Variants in FAM167B observed in about 807,000 individuals in gnomAD.
The protein encoded by FAM167B is family with sequence similarity 167 member B.
FAM167B carries 7 observed loss-of-function variants against 15.4 expected under a neutral mutation model. That is an observed-to-expected ratio of 0.46 (90% CI 0.26 to 0.86). FAM167B has a LOEUF of 0.86. Ranked by LOEUF, FAM167B falls within the 40% of genes least tolerant of loss-of-function variation. FAM167B has a pLI of 0.17. For missense variants in FAM167B, 207 were observed against 208.3 expected, an observed-to-expected ratio of 0.99 and a Z score of 0.04; for synonymous variants, 100 against 94.6, an observed-to-expected ratio of 1.06 and a Z score of -0.33.
intron 1 of FAM167B, 101 bp from the exon 2 acceptor site, chr1:32,248,270 G>A: frequency 1.1e-6 from 1 of 947,578 alleles, no homozygotes; most frequent in Non-Finnish European, 1.5e-6. Context: ...AGGGGGCTGG[G>A]GAGGACACAG....
rs754913612 is a variant in FAM167B, at chr1:32,248,579, C to T, written c.470C>T (p.Ala157Val). ...GGCCTCACGCGCATGAACATCAGCG[C>T]CCGGCGCTTCACCCTCTGCTGAGGA... ...HLGLTRMNIS[A>V]RRFTLC The change falls in exon 2 of 2, where the codon GCC (alanine) becomes GTC (valine). Residue 157 changes from alanine to valine, a missense_variant. Transcript: ENST00000373582. 5.8e-6 allele frequency: 9 copies of T among 1,543,112 alleles called. No homozygotes were observed. The Admixed American group carries it at 1.8e-4, about 30-fold the overall frequency.
rs551437124 is a variant in FAM167B, at chr1:32,247,689, C to T, written c.261+7C>T. The T allele has an allele frequency of 4.1e-6, 6 of 1,459,038 alleles. No homozygotes were observed. In the African/African-American group the frequency reaches 7.2e-5, roughly 18 times the overall value. The allele number at this position is 1,459,038 out of a possible 1,614,324, so 90.4% of individuals were successfully genotyped here. On this transcript the variant is annotated splice_region_variant and intron_variant, in intron 1 of 1. Transcript: ENST00000373582. Reference sequence around the variant, plus strand: ...GTGGCTCCGACGGGAGCTGGTGAGTCTGGTGGGGTGGGCAGCTTTGCCCAG... The same window carrying T: ...GTGGCTCCGACGGGAGCTGGTGAGTTTGGTGGGGTGGGCAGCTTTGCCCAG...
intron 1 of FAM167B, 108 bp from the exon 2 acceptor site, chr1:32,248,263 G>A (rs1639434549): frequency 2.3e-6 from 2 of 882,250 alleles, no homozygotes; most frequent in Non-Finnish European, 3.4e-6. Context: ...AGGTGAGAGG[G>A]GGCTGGGGAG....
At position 32,248,746 on chromosome 1, in the gene FAM167B, C is replaced by A; in HGVS notation, c.*145C>A. ...CATTCAGGTTTCTGAGAGCTGAATT[C>A]CAAGAGTGCAAAACCCCAGCATCCT... On this transcript the variant is annotated 3_prime_UTR_variant, in exon 2 of 2. Coordinates refer to ENST00000373582, the MANE Select transcript of FAM167B (RefSeq NM_032648.3). The A allele has an allele frequency of 1.3e-6, 1 of 748,158 alleles. No homozygotes were observed. The highest frequency in any genetic ancestry group is 2.1e-6 in the Non-Finnish European group (1 of 472,980). The allele number at this position is 748,158 out of a possible 1,614,324, so 46.3% of individuals were successfully genotyped here. A position where few individuals can be genotyped will look rare whatever the true frequency, so the allele number is the denominator to read the frequency against.
In FAM167B at chr1:32,248,767, A is replaced by G. The variant is rs1639442420; in HGVS notation, c.*166A>G. On this transcript the variant is annotated 3_prime_UTR_variant, in exon 2 of 2. Coordinates refer to ENST00000373582, the MANE Select transcript of FAM167B (RefSeq NM_032648.3). ...AATTCCAAGAGTGCAAAACCCCAGC[A>G]TCCTGTTTCCTCTGCTGACCCAGCT... The G allele has an allele frequency of 1.5e-6, 1 of 667,848 alleles. No individual in the cohort carries two copies. The highest frequency in any genetic ancestry group is 2.5e-6 in the Non-Finnish European group (1 of 401,152). The allele number at this position is 667,848 out of a possible 1,614,324, so 41.4% of individuals were successfully genotyped here.
chr1:32,248,232 A>T, intron 1 of FAM167B, 139 bp from the exon 2 acceptor site: 1 of 684,978 alleles, frequency 1.5e-6, no homozygotes, highest in Non-Finnish European at 2.4e-6. Flanking sequence ...CCAGATTGGG[A>T]GATAGGGAGA....
Position 32,247,379 on chromosome 1 carries a change from C to T in FAM167B, c.-43C>T, listed in dbSNP as rs773126596. 4 of 1,469,280 alleles carry T rather than the reference C, an allele frequency of 2.7e-6. No individual in the cohort carries two copies. In the East Asian group the frequency reaches 1.0e-4, roughly 37 times the overall value. The allele number at this position is 1,469,280 out of a possible 1,614,324, so 91.0% of individuals were successfully genotyped here. On this transcript the variant is annotated 5_prime_UTR_variant, in exon 1 of 2. Transcript: ENST00000373582. ...GCAATACTGCCAGCCTTTCCCTAAT[C>T]TCAGAGCTGCAGCCCTGCCCTGTCA...
chr1:32,247,782 G>A (rs1014092066), intron 1 of FAM167B, 100 bp downstream of exon 1: 1 of 1,218,242 alleles, frequency 8.2e-7, no homozygotes, highest in Admixed American at 3.0e-5. Flanking sequence ...AATGGACCCT[G>A]CCTCCAGCAA....
rs201776035 is a variant in FAM167B at position 32,248,537 on chromosome 1, C to G, written c.428C>G (p.Pro143Arg). ...LEPGAGLALA[P>R]LLRHLGLTRM... Reference sequence around the variant, plus strand: ...CCCGGGGCCGGCCTAGCCCTGGCCCCGCTGCTGCGGCACCTGGGCCTCACG... The same window carrying G: ...CCCGGGGCCGGCCTAGCCCTGGCCCGGCTGCTGCGGCACCTGGGCCTCACG... Residue 143 changes from proline to arginine, a missense_variant, in exon 2 of 2, where the codon CCG becomes CGG. Physicochemically the swap from Pro to Arg is moderately radical, Grantham distance 103 (BLOSUM62 -2). Coordinates refer to ENST00000373582, the MANE Select transcript of FAM167B (RefSeq NM_032648.3). 4 of 1,561,072 alleles carry G rather than the reference C, an allele frequency of 2.6e-6. No homozygotes were observed. The African/African-American group carries it at 4.0e-5, about 16-fold the overall frequency.
chr1:32,247,251 C>A lies in FAM167B; in HGVS notation c.-171C>A. On this transcript the variant is annotated 5_prime_UTR_variant, in exon 1 of 2. Transcript: ENST00000373582. ...TTGGCCTCACACACCCATCTGCTCA[C>A]TCACCCTGGCACATTCAGCCCCCCT... The A allele has an allele frequency of 1.3e-6, 1 of 780,094 alleles. No homozygotes were observed. The highest frequency in any genetic ancestry group is 1.9e-6 in the Non-Finnish European group (1 of 537,270). The allele number at this position is 780,094 out of a possible 1,614,324, so 48.3% of individuals were successfully genotyped here.
Position 32,247,467 on chromosome 1 carries a change from G to C in FAM167B, c.46G>C (p.Glu16Gln), listed in dbSNP as rs368102614. The C allele has an allele frequency of 1.3e-6, 2 of 1,594,810 alleles. No homozygotes were observed. The highest frequency in any genetic ancestry group is 8.5e-7 in the Non-Finnish European group (1 of 1,170,750). Residue 16 changes from glutamate to glutamine, a missense_variant, in exon 1 of 2, where the codon GAG becomes CAG. Physicochemically the swap from Glu to Gln is conservative, Grantham distance 29 (BLOSUM62 2). Transcript: ENST00000373582. ...ATTCCAGGCAGTGGGTGAAGAGGACGAGGAGGATGAGGAGGGGGAGAGCCT... is the reference window on the plus strand; with the variant it reads ...ATTCCAGGCAGTGGGTGAAGAGGACCAGGAGGATGAGGAGGGGGAGAGCCT... ...LKFQAVGEEDEEDEEGESLDS... is the reference protein window; with the variant it reads ...LKFQAVGEEDQEDEEGESLDS...
Position 32,247,451 on chromosome 1 carries a change from A to G in FAM167B, c.30A>G (p.Ala10=), listed in dbSNP as rs1253222779. The change falls in exon 1 of 2, where the codon GCA becomes GCG. Residue 10 remains alanine, a synonymous_variant. Transcript: ENST00000373582. ...CCCTGGGGCTACTGAAATTCCAGGC[A>G]GTGGGTGAAGAGGACGAGGAGGATG... The part of the protein sequence containing the change: MSLGLLKFQ[A]VGEEDEEDEE... 1 of 1,568,160 alleles carries G rather than the reference A, an allele frequency of 6.4e-7. No individual in the cohort carries two copies. The highest frequency in any genetic ancestry group is 8.7e-7 in the Non-Finnish European group (1 of 1,155,566).
chr1:32,248,422 C>T lies in FAM167B; in HGVS notation c.313C>T (p.Arg105Trp). 1 of 1,600,688 alleles carries T rather than the reference C, an allele frequency of 6.2e-7. No individual in the cohort carries two copies. The highest frequency in any genetic ancestry group is 1.1e-5 in the South Asian group (1 of 89,460). Residue 105 changes from arginine to tryptophan, a missense_variant, in exon 2 of 2, where the codon CGG (arginine) becomes TGG (tryptophan). Arg to Trp is a moderately radical substitution (Grantham distance 101, BLOSUM62 -3). Coordinates refer to ENST00000373582, the MANE Select transcript of FAM167B (RefSeq NM_032648.3). ...GCTGGCAGGGCAGCTGCTGCGGCTGCGGGCCCAGCTGCACCGACTGAAGAT... is the reference window on the plus strand; with the variant it reads ...GCTGGCAGGGCAGCTGCTGCGGCTGTGGGCCCAGCTGCACCGACTGAAGAT... ...RQLAGQLLRL[R>W]AQLHRLKMDQ...
chr1:32,247,224 A>T lies in FAM167B; in HGVS notation c.-198A>T. 1 of 509,850 alleles carries T rather than the reference A, an allele frequency of 2.0e-6. No homozygotes were observed. Among genetic ancestry groups the T allele is most frequent in the Non-Finnish European group, 3.2e-6 (1 of 317,200 alleles). 31.6% of individuals were successfully genotyped at this position (509,850 alleles called of 1,614,324 possible). A position where few individuals can be genotyped will look rare whatever the true frequency, so the allele number is the denominator to read the frequency against. On this transcript the variant is annotated 5_prime_UTR_variant, in exon 1 of 2. Coordinates refer to ENST00000373582, the MANE Select transcript of FAM167B (RefSeq NM_032648.3). ...TCCAGGAAAATTCCAGCCCTTGCAT[A>T]CTTGGCCTCACACACCCATCTGCTC...
chr1:32,248,319 G>T (rs1639435313), intron 1 of FAM167B, 52 bp from the exon 2 acceptor site: 13 of 1,455,408 alleles, frequency 8.9e-6, no homozygotes. Context: ...AGGGAGAAAC[G>T]GCGCGCGGCC....
chr1:32,248,608 C>G lies in FAM167B; in HGVS notation c.*7C>G. On this transcript the variant is annotated 3_prime_UTR_variant, in exon 2 of 2. Coordinates refer to ENST00000373582, the MANE Select transcript of FAM167B (RefSeq NM_032648.3). ...GCGCTTCACCCTCTGCTGAGGAACACCTGTGCCCCCCGACTCCCCGCCCCC... is the reference window on the plus strand; with the variant it reads ...GCGCTTCACCCTCTGCTGAGGAACAGCTGTGCCCCCCGACTCCCCGCCCCC... 1 of 1,522,452 alleles carries G rather than the reference C, an allele frequency of 6.6e-7. No homozygotes were observed. Among genetic ancestry groups the G allele is most frequent in the Non-Finnish European group, 8.8e-7 (1 of 1,136,476 alleles). The allele number at this position is 1,522,452 out of a possible 1,614,324, so 94.3% of individuals were successfully genotyped here.
chr1:32,247,822 G>T (rs1569879914), intron 1 of FAM167B, 140 bp downstream of exon 1: 3 of 736,242 alleles, frequency 4.1e-6, no homozygotes, highest in Middle Eastern at 8.5e-4. Flanking sequence ...GGGCTGAGGA[G>T]CCGGGAATGG....
intron 1 of FAM167B, among the ~76,000 whole-genome samples, 166 bp downstream of exon 1, chr1:32,247,848 T>C (rs919335647): frequency 2.0e-5 from 3 of 152,216 alleles, no homozygotes; most frequent in African/African-American, 7.2e-5. Context: ...TCCAGTGTTG[T>C]ATTCAGGGAG....
Position 32,248,468 on chromosome 1 carries a change from A to G in FAM167B, c.359A>G (p.His120Arg), listed in dbSNP as rs1169608312. 1.9e-6 allele frequency: 3 copies of G among 1,605,142 alleles called. No homozygotes were observed. In the South Asian group the frequency reaches 3.4e-5, roughly 18 times the overall value. Residue 120 changes from histidine to arginine, a missense_variant, in exon 2 of 2, where the codon CAC becomes CGC. By Grantham distance (29) the His-to-Arg change is conservative. Coordinates refer to ENST00000373582, the MANE Select transcript of FAM167B (RefSeq NM_032648.3). ...RLKMDQACHL[H>R]QELLDEAELE... ...AAGATGGACCAAGCCTGTCACCTGC[A>G]CCAGGAGCTGCTGGATGAGGCCGAG...
Sources: gnomAD v4.1 joint callset for allele counts (sites outside exome capture counted in the v4.1 genomes callset) on GRCh38, gnomAD v4.1.1 for gene constraint, MANE v1.5 for transcripts, NCBI Gene and HGNC (gene_info 2026-07-23, HGNC 2026-07-21) for gene names.